The following USP34 variants were observed in gnomAD, a reference collection of about 807,000 sequenced individuals.
USP34 encodes the protein ubiquitin carboxyl-terminal hydrolase 34.
USP34 carries 70 observed loss-of-function variants against 460.3 expected under a neutral mutation model. The ratio of observed to expected loss-of-function variants is 0.15; its 90% CI spans 0.13 to 0.19. The LOEUF (loss-of-function observed/expected upper bound fraction) is 0.19. Ranked by LOEUF, USP34 falls within the 10% of genes least tolerant of loss-of-function variation. The pLI, the probability that USP34 is intolerant of heterozygous loss-of-function variation, is 1.00. For missense variants in USP34, 3,985 were observed against 4,236.2 expected, an observed-to-expected ratio of 0.94 and a Z score of 1.65; for synonymous variants, 1,647 against 1,405.3, an observed-to-expected ratio of 1.17 and a Z score of -3.85.
intron 10 of USP34, among the ~76,000 whole-genome samples, chr2:61,361,915 T>C (rs1337390848): frequency 6.6e-6 from 1 of 152,018 alleles, no homozygotes; most frequent in Non-Finnish European, 1.5e-5. Context: ...CATGTATTGA[T>C]TAGGGGTTAA....
At chr2:61,236,101 TTCAA>T in intron 55 of USP34, 28 bp from the exon 56 acceptor site, 1 of 1,596,192 alleles carries the variant, frequency 6.3e-7, no homozygotes, top group Non-Finnish European at 8.5e-7. Flanking sequence ...GCAAAAAAGC[TTCAA>T]TCATTTTAAA....
At chr2:61,343,670 G>T in intron 16 of USP34, 145 bp downstream of exon 16, 1 of 596,202 alleles carries the variant, frequency 1.7e-6, no homozygotes, top group Non-Finnish European at 2.6e-6. Context: ...TCCCTTGGGG[G>T]AAAAAAAAAA....
chr2:61,187,475 A>G lies in USP34; in HGVS notation c.*627T>C, dbSNP rs1686460256. The G allele has an allele frequency of 1.0e-6, 1 of 984,670 alleles. No homozygotes were observed. The highest frequency in any genetic ancestry group is 1.2e-6 in the Non-Finnish European group (1 of 829,770). 61.0% of individuals were successfully genotyped at this position (984,670 alleles called of 1,614,324 possible). On this transcript the variant is annotated 3_prime_UTR_variant, in exon 80 of 80. Coordinates refer to ENST00000398571, the MANE Select transcript of USP34 (RefSeq NM_014709.4). ...GTATGTAAACAAATGAAAAGTCATC[A>G]CAATCAGTTTAATTAAGTGCACAGA...
At chr2:61,244,637 G>T (rs974660024) in intron 51 of USP34, among the ~76,000 whole-genome samples, 14 of 140,934 alleles carry the variant, frequency 9.9e-5, no homozygotes, top group African/African-American at 3.1e-4. Context: ...AAAAAAAAAA[G>T]TCTTTTCTCA....
intron 16 of USP34, among the ~76,000 whole-genome samples, chr2:61,340,100 C>T (rs1572948798): frequency 1.3e-5 from 2 of 151,986 alleles, no homozygotes; most frequent in South Asian, 4.1e-4. Context: ...GAGAACTGTA[C>T]ATAAATACTT....
chr2:61,346,527 TAAAAAAA>T (rs926076478), intron 15 of USP34, among the ~76,000 whole-genome samples: 4 of 44,254 alleles, frequency 9.0e-5, no homozygotes, highest in Admixed American at 3.4e-4. Context: ...CCCTATCTCT[TAAAAAAA>T]AAAAAAAAAA....
At chr2:61,308,040 C>T (rs1256105538) in intron 27 of USP34, among the ~76,000 whole-genome samples, 3 of 151,546 alleles carry the variant, frequency 2.0e-5, no homozygotes, top group African/African-American at 7.3e-5. Context: ...CAGAGTGAGA[C>T]CCTGTCTCAA....
intron 1 of USP34, among the ~76,000 whole-genome samples, chr2:61,430,877 G>C (rs1324858144): frequency 6.6e-6 from 1 of 152,140 alleles, no homozygotes; most frequent in Non-Finnish European, 1.5e-5. Flanking sequence ...GGTAGTGCAA[G>C]CCTGTAATCT....
intron 27 of USP34, among the ~76,000 whole-genome samples, chr2:61,304,810 T>C (rs1690349846): frequency 6.6e-6 from 1 of 152,228 alleles, no homozygotes; most frequent in African/African-American, 2.4e-5. Context: ...CTGGATTTTA[T>C]AATACATTGA....
At chr2:61,283,008 C>A in intron 37 of USP34, 137 bp downstream of exon 37, 1 of 812,848 alleles carries the variant, frequency 1.2e-6, no homozygotes. Context: ...ACACTCTAGA[C>A]CTTAAAGGAT....
At chr2:61,272,350 G>T (rs1689240146) in intron 41 of USP34, among the ~76,000 whole-genome samples, 1 of 149,736 alleles carries the variant, frequency 6.7e-6, no homozygotes, top group South Asian at 2.1e-4. Context: ...GGCAGAGCTT[G>T]CAGTGAGCCA....
Position 61,217,694 on chromosome 2 carries a change from G to A in USP34, c.8047+2616C>T, listed in dbSNP as rs141405497. The stretch of plus-strand genomic sequence containing the variant: ...AAACCAGCAGGGCACAGTGGCTCAC[G>A]CCTATAATCCAGCACTTTGGGAGGC... On this transcript the variant is annotated intron_variant, in intron 67 of 79. Coordinates refer to ENST00000398571, the MANE Select transcript of USP34 (RefSeq NM_014709.4). Among the ~76,000 whole-genome samples the A allele has an allele frequency of 2.7e-3, 418 of 152,274 alleles. 1 individual carries two copies. Among genetic ancestry groups the A allele is most frequent in the African/African-American group, 9.4e-3 (389 of 41,548 alleles).
chr2:61,239,236 C>T (rs1291054040), intron 53 of USP34, among the ~76,000 whole-genome samples: 3 of 150,688 alleles, frequency 2.0e-5, no homozygotes, highest in East Asian at 2.0e-4. Flanking sequence ...AGGAGTCACA[C>T]ATCTTTCACC....
intron 1 of USP34, among the ~76,000 whole-genome samples, chr2:61,437,042 C>T (rs541996699): frequency 1.7e-3 from 265 of 152,238 alleles, no homozygotes; most frequent in Non-Finnish European, 2.8e-3. Flanking sequence ...ACAGCAAAAG[C>T]GGTGCACTGC....
At position 61,455,604 on chromosome 2, in the gene USP34, T is replaced by A. The variant is rs141595321; in HGVS notation, c.43+15046A>T. Among the ~76,000 whole-genome samples, 221 of 152,138 alleles carry A rather than the reference T, an allele frequency of 1.5e-3. 1 individual carries two copies. The Middle Eastern group carries it at 0.041, about 28-fold the overall frequency. ...CCCAGGCAGCATACCAAGACCCCCA[T>A]CTCAAAAACTTATATGCATATATAC... On this transcript the variant is annotated intron_variant, in intron 1 of 79. Coordinates refer to ENST00000398571, the MANE Select transcript of USP34 (RefSeq NM_014709.4).
intron 48 of USP34, among the ~76,000 whole-genome samples, chr2:61,253,794 G>C (rs566088847): frequency 6.6e-6 from 1 of 151,914 alleles, no homozygotes; most frequent in African/African-American, 2.4e-5. Flanking sequence ...GAGTGCAGGG[G>C]CATGGTCTTG....
intron 5 of USP34, among the ~76,000 whole-genome samples, chr2:61,383,804 T>C (rs886434258): frequency 1.3e-5 from 2 of 152,184 alleles, no homozygotes; most frequent in African/African-American, 4.8e-5. Context: ...GAAAAGAGTA[T>C]AGTACAAAAC....
intron 1 of USP34, among the ~76,000 whole-genome samples, chr2:61,451,899 G>T (rs905821188): frequency 6.6e-6 from 1 of 152,120 alleles, no homozygotes; most frequent in Non-Finnish European, 1.5e-5. Flanking sequence ...TTGAAAGCCG[G>T]GCGCAGTGGC....
At chr2:61,309,607 G>A (rs1289427421) in intron 27 of USP34, among the ~76,000 whole-genome samples, 1 of 152,138 alleles carries the variant, frequency 6.6e-6, no homozygotes, top group Non-Finnish European at 1.5e-5. Flanking sequence ...TTTACCAAGT[G>A]CTAGTGAGAT....
Sources: allele counts gnomAD v4.1 joint callset (sites outside exome capture counted in the v4.1 genomes callset), GRCh38; gene constraint gnomAD v4.1.1; transcripts MANE v1.5; gene names NCBI Gene and HGNC (gene_info 2026-07-23, HGNC 2026-07-21).